The following EDIL3 variants were observed in gnomAD, a reference collection of about 807,000 sequenced individuals.
EDIL3 encodes the protein EGF like and discoidin domains 3, also known as EGF-like repeat and discoidin I-like domain-containing protein 3.
In EDIL3, 37 loss-of-function variants were observed where a neutral mutation model predicts 67.4. That is an observed-to-expected ratio of 0.55 (90% CI 0.42 to 0.72). The LOEUF is 0.72. Ranked by LOEUF, EDIL3 falls within the 30% of genes least tolerant of loss-of-function variation. The pLI, the probability that EDIL3 is intolerant of heterozygous loss-of-function variation, is 0.00. For missense variants in EDIL3, 527 were observed against 586.3 expected, an observed-to-expected ratio of 0.90 and a Z score of 1.04; for synonymous variants, 195 against 196.3, an observed-to-expected ratio of 0.99 and a Z score of 0.05.
intron 10 of EDIL3, among the ~76,000 whole-genome samples, chr5:83,950,071 G>T (rs1200436464): frequency 6.6e-6 from 1 of 151,768 alleles, no homozygotes; most frequent in Non-Finnish European, 1.5e-5. Context: ...AATACTCTGG[G>T]CTTACTGTCA....
intron 3 of EDIL3, among the ~76,000 whole-genome samples, chr5:84,190,026 G>A (rs1437779881): frequency 6.6e-6 from 1 of 151,884 alleles, no homozygotes; most frequent in African/African-American, 2.4e-5. Flanking sequence ...AGTAATATAA[G>A]GCCTAGGTGC....
chr5:84,333,559 G>A (rs1057288800), intron 1 of EDIL3, among the ~76,000 whole-genome samples: 1 of 151,984 alleles, frequency 6.6e-6, no homozygotes, highest in African/African-American at 2.4e-5. Flanking sequence ...CAGGAGACGA[G>A]GTATATTTTT....
intron 1 of EDIL3, among the ~76,000 whole-genome samples, chr5:84,267,729 CA>C (rs1029458091): frequency 2.7e-5 from 4 of 150,876 alleles, no homozygotes; most frequent in Admixed American, 6.6e-5. Flanking sequence ...GCTCTCTTAC[CA>C]AAAAAAAGAC....
intron 10 of EDIL3, among the ~76,000 whole-genome samples, chr5:83,958,147 G>A (rs1327779158): frequency 6.6e-6 from 1 of 151,526 alleles, no homozygotes; most frequent in Non-Finnish European, 1.5e-5. Flanking sequence ...ATTCTCACTA[G>A]AAAAACAGAA....
At chr5:84,258,340 G>A (rs1745159869) in intron 1 of EDIL3, among the ~76,000 whole-genome samples, 1 of 152,206 alleles carries the variant, frequency 6.6e-6, no homozygotes. Flanking sequence ...TGAAAGACAT[G>A]AGGGTGGGGA....
chr5:84,366,385 G>A (rs879691105), intron 1 of EDIL3, among the ~76,000 whole-genome samples: 30 of 152,106 alleles, frequency 2.0e-4, no homozygotes, highest in Middle Eastern at 3.4e-3. Context: ...TATTATCCCC[G>A]TTTTACACAT....
intron 1 of EDIL3, among the ~76,000 whole-genome samples, chr5:84,310,754 A>G (rs1351303906): frequency 6.6e-6 from 1 of 152,164 alleles, no homozygotes; most frequent in Non-Finnish European, 1.5e-5. Flanking sequence ...TAACTTACAT[A>G]CAGTAAAGTA....
chr5:84,043,209 A>G (rs546638895), intron 9 of EDIL3, among the ~76,000 whole-genome samples: 23 of 152,334 alleles, frequency 1.5e-4, no homozygotes, highest in Middle Eastern at 3.4e-3. Context: ...CTCAGAAAGT[A>G]AAAGTGTTCA....
At chr5:84,255,788 A>G (rs1332078680) in intron 1 of EDIL3, among the ~76,000 whole-genome samples, 4 of 152,196 alleles carry the variant, frequency 2.6e-5, no homozygotes, top group Non-Finnish European at 5.9e-5. Context: ...TAAGTGCTGG[A>G]GCAGACCTTA....
chr5:84,312,479 TC>T (rs1746423821), intron 1 of EDIL3, among the ~76,000 whole-genome samples: 1 of 141,216 alleles, frequency 7.1e-6, no homozygotes, highest in South Asian at 2.3e-4. Context: ...GCTCCTCACC[TC>T]CCGGACAGGG....
At chr5:83,968,969 T>C (rs961900655) in intron 9 of EDIL3, among the ~76,000 whole-genome samples, 1 of 151,710 alleles carries the variant, frequency 6.6e-6, no homozygotes, top group Non-Finnish European at 1.5e-5. Flanking sequence ...TCTGTTACCA[T>C]GAGATATAAT....
chr5:84,050,230 A>G (rs919842682), intron 9 of EDIL3, among the ~76,000 whole-genome samples: 1 of 151,708 alleles, frequency 6.6e-6, no homozygotes, highest in Non-Finnish European at 1.5e-5. Context: ...AAATCACACA[A>G]GAATATTTGC....
At chr5:84,248,459 G>A (rs557576152) in intron 2 of EDIL3, among the ~76,000 whole-genome samples, 2 of 151,958 alleles carry the variant, frequency 1.3e-5, no homozygotes, top group African/African-American at 2.4e-5. Flanking sequence ...GCCTCTTACC[G>A]CTTTGTATTT....
chr5:84,044,665 G>A (rs1746189138), intron 9 of EDIL3, among the ~76,000 whole-genome samples: 1 of 152,048 alleles, frequency 6.6e-6, no homozygotes, highest in Non-Finnish European at 1.5e-5. Context: ...TTTTGTGTTG[G>A]GCTAGTAGTT....
intron 4 of EDIL3, among the ~76,000 whole-genome samples, chr5:84,157,768 G>A (rs1255247488): frequency 6.6e-6 from 1 of 151,906 alleles, no homozygotes; most frequent in Non-Finnish European, 1.5e-5. Flanking sequence ...ATTCTTGTTG[G>A]TAAATTTGCT....
At chr5:84,324,727 A>T (rs891598582) in intron 1 of EDIL3, among the ~76,000 whole-genome samples, 2 of 151,820 alleles carry the variant, frequency 1.3e-5, no homozygotes, top group African/African-American at 2.4e-5. Context: ...GAGTGGTGAC[A>T]TTACTACAAA....
chr5:84,353,493 A>T (rs1226428355), intron 1 of EDIL3, among the ~76,000 whole-genome samples: 1 of 152,244 alleles, frequency 6.6e-6, no homozygotes, highest in Non-Finnish European at 1.5e-5. Context: ...CAATAAATCT[A>T]CCAAAGATAT....
chr5:84,090,301 A>G (rs1295481389), intron 6 of EDIL3, among the ~76,000 whole-genome samples: 1 of 152,218 alleles, frequency 6.6e-6, no homozygotes, highest in African/African-American at 2.4e-5. Flanking sequence ...AAAATGTTTC[A>G]CACTGATGTC....
At chr5:84,128,720 G>C (rs1160539369) in intron 5 of EDIL3, among the ~76,000 whole-genome samples, 1 of 152,096 alleles carries the variant, frequency 6.6e-6, no homozygotes, top group Non-Finnish European at 1.5e-5. Flanking sequence ...AATTTTATGA[G>C]AACTAAATCA....
Sources: gnomAD v4.1 joint callset for allele counts (sites outside exome capture counted in the v4.1 genomes callset) on GRCh38, gnomAD v4.1.1 for gene constraint, MANE v1.5 for transcripts, NCBI Gene and HGNC (gene_info 2026-07-23, HGNC 2026-07-21) for gene names.